MAD1L1: variants seen among roughly 807,000 people sequenced by gnomAD.
The protein encoded by MAD1L1 is mitotic spindle assembly checkpoint protein MAD1.
Under a neutral mutation model 96.9 loss-of-function variants are expected in MAD1L1, and 95 were observed. The observed-to-expected ratio is 0.98, with a 90% CI of 0.83 to 1.16. The LOEUF (loss-of-function observed/expected upper bound fraction) is 1.16, where lower values mean the gene tolerates loss of function less well. Among genes scored for constraint, MAD1L1 ranks in the 50% most tolerant of loss-of-function variants. The probability of loss-of-function intolerance (pLI) is 0.00; values close to 1 mark genes in which losing one functional copy is unlikely to be tolerated. For missense variants in MAD1L1, 1,007 were observed against 954.4 expected (o/e 1.06, Z -0.73); for synonymous variants, 473 against 396.6 (o/e 1.19, Z -2.29).
chr7:1,884,430 G>A (rs1476684843), intron 18 of MAD1L1, among the ~76,000 whole-genome samples: 1 of 152,212 alleles, frequency 6.6e-6, no homozygotes, highest in African/African-American at 2.4e-5. Context: ...CTCTGGCTGA[G>A]TTCCAGGCCT....
intron 15 of MAD1L1, among the ~76,000 whole-genome samples, chr7:1,964,933 A>G (rs1393582655): frequency 6.6e-6 from 1 of 152,232 alleles, no homozygotes; most frequent in Non-Finnish European, 1.5e-5. Flanking sequence ...ACGGGCAGAC[A>G]GCATCCAGTC....
At chr7:2,143,992 G>T (rs1227741783) in intron 11 of MAD1L1, among the ~76,000 whole-genome samples, 1 of 152,212 alleles carries the variant, frequency 6.6e-6, no homozygotes, top group Non-Finnish European at 1.5e-5. Flanking sequence ...CACCAGGCAG[G>T]ATCCATGACC....
At chr7:2,213,107 A>T in intron 10 of MAD1L1, 105 bp downstream of exon 10, 1 of 1,214,730 alleles carries the variant, frequency 8.2e-7, no homozygotes, top group Non-Finnish European at 1.2e-6. Context: ...CCAGCCACAG[A>T]GATGCCTGGC....
chr7:1,912,502 G>A (rs1562517719), intron 17 of MAD1L1, among the ~76,000 whole-genome samples: 1 of 152,198 alleles, frequency 6.6e-6, no homozygotes, highest in East Asian at 1.9e-4. Context: ...AGGGCAAGGG[G>A]TGCCCATCCT....
At chr7:1,846,882 G>A in intron 18 of MAD1L1, 2 of 269,428 alleles carry the variant, frequency 7.4e-6, no homozygotes, top group South Asian at 7.4e-5. Context: ...CCCGCAGCCT[G>A]TATGAAGCTG....
chr7:2,032,924 A>AG (rs1441508548), intron 12 of MAD1L1, among the ~76,000 whole-genome samples: 1 of 152,218 alleles, frequency 6.6e-6, no homozygotes, highest in Non-Finnish European at 1.5e-5. Context: ...TGCATGGGGC[A>AG]GGGGGGCAAG....
chr7:1,944,383 A>C (rs544099300), intron 16 of MAD1L1, among the ~76,000 whole-genome samples: 1 of 152,140 alleles, frequency 6.6e-6, no homozygotes. Context: ...ATTTCAATAG[A>C]GCTGTTAGAA....
chr7:1,987,288 C>A (rs546511921), intron 14 of MAD1L1, among the ~76,000 whole-genome samples: 2 of 152,198 alleles, frequency 1.3e-5, no homozygotes, highest in African/African-American at 2.4e-5. Context: ...CATGTAGGGC[C>A]CCATTGCCAG....
intron 13 of MAD1L1, 149 bp from the exon 14 acceptor site, chr7:2,002,270 T>C (rs1341604379): frequency 4.0e-6 from 3 of 753,008 alleles, no homozygotes; most frequent in Non-Finnish European, 6.7e-6. Flanking sequence ...AGCCAGAGGG[T>C]GGGCAGGGGC....
At chr7:1,863,708 G>A (rs971716495) in intron 18 of MAD1L1, among the ~76,000 whole-genome samples, 1 of 152,222 alleles carries the variant, frequency 6.6e-6, no homozygotes, top group Admixed American at 6.5e-5. Flanking sequence ...GCTCCTGGGT[G>A]GAGGGTGGCC....
chr7:2,152,408 C>CT (rs1367549392), intron 10 of MAD1L1, among the ~76,000 whole-genome samples: 1 of 152,248 alleles, frequency 6.6e-6, no homozygotes, highest in Non-Finnish European at 1.5e-5. Flanking sequence ...CCTTCGCAGC[C>CT]TCTTGCGCTG....
At chr7:2,063,332 T>C (rs1784744268) in intron 12 of MAD1L1, among the ~76,000 whole-genome samples, 3 of 152,262 alleles carry the variant, frequency 2.0e-5, no homozygotes, top group Admixed American at 2.0e-4. Context: ...CACTCCAGGC[T>C]GTGCCGGATC....
intron 13 of MAD1L1, among the ~76,000 whole-genome samples, chr7:2,007,401 G>A (rs567456261): frequency 3.3e-4 from 51 of 152,386 alleles, no homozygotes; most frequent in African/African-American, 1.2e-3. Flanking sequence ...AGAAGTTAGG[G>A]CCCGGCCCGG....
At chr7:1,946,733 C>A in intron 16 of MAD1L1, among the ~76,000 whole-genome samples, 1 of 152,354 alleles carries the variant, frequency 6.6e-6, no homozygotes, top group South Asian at 2.1e-4. Context: ...GTCCAAGCTC[C>A]CCTCCAGGCT....
chr7:1,968,525 G>A lies in MAD1L1; in HGVS notation c.1506-10806C>T, dbSNP rs745589445. Among the ~76,000 whole-genome samples the A allele has an allele frequency of 4.6e-4, 68 of 148,606 alleles. No individual in the cohort carries two copies. The highest frequency in any genetic ancestry group is 1.3e-3 in the Admixed American group (19 of 14,922). On this transcript the variant is annotated intron_variant, in intron 15 of 18. Coordinates refer to ENST00000265854, the MANE Select transcript of MAD1L1 (RefSeq NM_001013836.2). The surrounding 1 kb of genome is among the most constrained non-coding windows in gnomAD (Gnocchi z 5.6). ...CCTCAGTCCGGCGGTCAGGTCCACC[G>A]TCAATGCCAGCGGTCATGTCCACCA...
chr7:1,985,256 G>GCGAC (rs1262182020), intron 14 of MAD1L1, among the ~76,000 whole-genome samples: 2 of 152,248 alleles, frequency 1.3e-5, no homozygotes, highest in East Asian at 1.9e-4. Context: ...ACTGGAGGAG[G>GCGAC]CGACCGTTCC....
chr7:2,060,379 C>G (rs904892014), intron 12 of MAD1L1, among the ~76,000 whole-genome samples: 2 of 150,632 alleles, frequency 1.3e-5, no homozygotes, highest in African/African-American at 4.9e-5. Context: ...ACACCGATGC[C>G]GAGATGTCAA....
intron 18 of MAD1L1, among the ~76,000 whole-genome samples, chr7:1,853,915 G>A (rs1422181795): frequency 1.3e-5 from 2 of 152,190 alleles, no homozygotes; most frequent in African/African-American, 2.4e-5. Flanking sequence ...GTCCTGTCAG[G>A]AGCCAGCCAG....
At chr7:2,034,529 TG>T (rs998097074) in intron 12 of MAD1L1, among the ~76,000 whole-genome samples, 1 of 152,214 alleles carries the variant, frequency 6.6e-6, no homozygotes, top group Non-Finnish European at 1.5e-5. Flanking sequence ...AGTTTACTTT[TG>T]GTATGTCTAC....
Sources: gnomAD v4.1 joint callset for allele counts (sites outside exome capture counted in the v4.1 genomes callset) on GRCh38, gnomAD v4.1.1 for gene constraint, Gnocchi (gnomAD v3.1) non-coding constraint, MANE v1.5 for transcripts, NCBI Gene and HGNC (gene_info 2026-07-23, HGNC 2026-07-21) for gene names.